KDM2A: variants seen among roughly 807,000 people sequenced by gnomAD.
KDM2A encodes the protein lysine-specific demethylase 2A.
A neutral mutation model predicts 137.3 loss-of-function variants in KDM2A; 3 were observed. The ratio of observed to expected loss-of-function variants is 0.02; its 90% CI spans 0.01 to 0.06. KDM2A has a LOEUF of 0.06. Among genes scored for constraint, KDM2A ranks in the 10% least tolerant of loss-of-function variants. The pLI, the probability that KDM2A is intolerant of heterozygous loss-of-function variation, is 1.00. For synonymous variants in KDM2A, 512 were observed against 541.5 expected, an observed-to-expected ratio of 0.95 and a Z score of 0.76; for missense variants, 738 against 1,510.6, an observed-to-expected ratio of 0.49 and a Z score of 8.48.
intron 5 of KDM2A, among the ~76,000 whole-genome samples, chr11:67,186,373 AAAC>A (rs1857207700): frequency 6.6e-6 from 1 of 152,202 alleles, no homozygotes; most frequent in Admixed American, 6.6e-5. Flanking sequence ...AAGGAAAACA[AAAC>A]AAAACTGTCA....
chr11:67,138,744 A>G lies in KDM2A; in HGVS notation c.42+17386A>G, dbSNP rs934960773. ...TACAGCGAGCCAAGATTGTGCCACT[A>G]CATTCTTGGATCCTACCCCAAACGT... On this transcript the variant is annotated intron_variant, in intron 2 of 20. Coordinates refer to ENST00000529006, the MANE Select transcript of KDM2A (RefSeq NM_012308.3). Among the ~76,000 whole-genome samples the G allele has an allele frequency of 9.7e-4, 147 of 152,184 alleles. 5 individuals carry two copies. Among genetic ancestry groups the G allele is most frequent in the Admixed American group, 9.4e-3 (144 of 15,266 alleles).
intron 5 of KDM2A, among the ~76,000 whole-genome samples, chr11:67,201,138 G>T (rs1017259855): frequency 1.3e-4 from 19 of 151,468 alleles, no homozygotes; most frequent in African/African-American, 4.6e-4. Context: ...AGCTTGCAGT[G>T]AGCCGAGATT....
At chr11:67,147,791 C>T (rs913173291) in intron 2 of KDM2A, among the ~76,000 whole-genome samples, 3 of 151,546 alleles carry the variant, frequency 2.0e-5, no homozygotes, top group African/African-American at 7.3e-5. Context: ...GATTCTCCAG[C>T]CTCAACCTTC....
intron 2 of KDM2A, among the ~76,000 whole-genome samples, chr11:67,125,036 A>G (rs974692023): frequency 6.0e-5 from 9 of 149,452 alleles, no homozygotes; most frequent in Non-Finnish European, 1.3e-4. Flanking sequence ...TTTTTTTTGT[A>G]TTTTTTAGTA....
chr11:67,228,686 GA>G (rs139339570), intron 11 of KDM2A, among the ~76,000 whole-genome samples: 15,275 of 104,870 alleles, frequency 0.15, 867 homozygotes, highest in Admixed American at 0.18. Flanking sequence ...ACCCTGTTGC[GA>G]AAAAAAAAAA....
chr11:67,254,082 G>A lies in KDM2A; in HGVS notation c.3092-121G>A, dbSNP rs1293005244. ...CACCCTGAAGGCATGGCTGGGTGTG[G>A]GCAGTTCTACTTAACCCCTTCAAGG... On this transcript the variant is annotated intron_variant, in intron 19 of 20. Coordinates refer to ENST00000529006, the MANE Select transcript of KDM2A (RefSeq NM_012308.3). The surrounding 1 kb of genome is among the most constrained non-coding windows in gnomAD (Gnocchi z 4.7). 1 of 768,522 alleles carries A rather than the reference G, an allele frequency of 1.3e-6. No homozygotes were observed. Among genetic ancestry groups the A allele is most frequent in the African/African-American group, 1.8e-5 (1 of 56,994 alleles). The allele number at this position is 768,522 out of a possible 1,614,324, so 47.6% of individuals were successfully genotyped here. A position where few individuals can be genotyped will look rare whatever the true frequency, so the allele number is the denominator to read the frequency against.
At chr11:67,230,019 A>G (rs1858662914) in intron 11 of KDM2A, among the ~76,000 whole-genome samples, 1 of 152,044 alleles carries the variant, frequency 6.6e-6, no homozygotes, top group African/African-American at 2.4e-5. Context: ...TACTAAAAAT[A>G]CAAAAAATTA....
intron 5 of KDM2A, among the ~76,000 whole-genome samples, chr11:67,189,995 A>G (rs1235810122): frequency 6.6e-6 from 1 of 152,240 alleles, no homozygotes; most frequent in East Asian, 1.9e-4. Flanking sequence ...GAATAGAAAA[A>G]CAATAGAGAA....
Position 67,254,800 on chromosome 11 carries a change from C to A in KDM2A, c.3308-74C>A. ...TTTGTTTAGCATTTTGAAGGAAAGACGGCTACAGGAATTGAATGGCAGAGG... is the reference window on the plus strand; with the variant it reads ...TTTGTTTAGCATTTTGAAGGAAAGAAGGCTACAGGAATTGAATGGCAGAGG... On this transcript the variant is annotated intron_variant, in intron 20 of 20. Coordinates refer to ENST00000529006, the MANE Select transcript of KDM2A (RefSeq NM_012308.3). This position sits in a 1 kb window ranked among gnomAD's most constrained non-coding sequence, Gnocchi z 4.7. The A allele has an allele frequency of 7.3e-7, 1 of 1,363,592 alleles. No individual in the cohort carries two copies. The highest frequency in any genetic ancestry group is 1.3e-5 in the South Asian group (1 of 78,978). The allele number at this position is 1,363,592 out of a possible 1,614,324, so 84.5% of individuals were successfully genotyped here. A position where few individuals can be genotyped will look rare whatever the true frequency, so the allele number is the denominator to read the frequency against.
intron 2 of KDM2A, among the ~76,000 whole-genome samples, chr11:67,177,753 G>A (rs1160953418): frequency 6.6e-6 from 1 of 152,024 alleles, no homozygotes; most frequent in Non-Finnish European, 1.5e-5. Context: ...ATCAAGCACA[G>A]AATAATAAAT....
At position 67,228,163 on chromosome 11, in the gene KDM2A, G is replaced by T; in HGVS notation, c.1084G>T (p.Asp362Tyr). ...ATTTCAGAAAGAGTCCCTCAGCATGGGTAAGTATTCTGCCTATAGGAGCTT... is the reference window on the plus strand; with the variant it reads ...ATTTCAGAAAGAGTCCCTCAGCATGTGTAAGTATTCTGCCTATAGGAGCTT... ...KEFQKESLSM[D>Y]LELNGLESGN... The change falls in exon 11 of 21, where the codon GAT becomes TAT. Residue 362 changes from aspartate to tyrosine, a missense_variant and splice_region_variant. Asp to Tyr is a radical substitution (Grantham distance 160). This residue lies in a region of KDM2A where 113 missense variants were observed against 133.5 expected (regional missense o/e 0.85). Transcript: ENST00000529006. 6.2e-7 allele frequency: 1 copy of T among 1,613,796 alleles called. No homozygotes were observed.
intron 5 of KDM2A, among the ~76,000 whole-genome samples, chr11:67,201,625 G>A (rs1434457333): frequency 6.6e-6 from 1 of 151,610 alleles, no homozygotes; most frequent in Non-Finnish European, 1.5e-5. Flanking sequence ...AAAATTAGCC[G>A]AGTGTGGTGG....
chr11:67,191,105 G>A (rs912538703), intron 5 of KDM2A, among the ~76,000 whole-genome samples: 1 of 151,902 alleles, frequency 6.6e-6, no homozygotes, highest in South Asian at 2.1e-4. Context: ...ATGCAGTGGC[G>A]CGATCTCGGC....
chr11:67,148,902 C>G (rs914851024), intron 2 of KDM2A, among the ~76,000 whole-genome samples: 1 of 152,132 alleles, frequency 6.6e-6, no homozygotes, highest in Non-Finnish European at 1.5e-5. Context: ...ACCAAAAGAG[C>G]TGGGGTAGGG....
At chr11:67,181,933 T>A (rs762568955) in intron 5 of KDM2A, 41 bp downstream of exon 5, 2 of 1,556,412 alleles carry the variant, frequency 1.3e-6, no homozygotes, top group East Asian at 4.5e-5. Flanking sequence ...AAGGCAAAGA[T>A]TTAAGACTTA....
At chr11:67,215,702 G>T in intron 7 of KDM2A, 154 bp from the exon 8 acceptor site, 2 of 698,550 alleles carry the variant, frequency 2.9e-6, no homozygotes, top group Admixed American at 2.6e-5. Context: ...TTCTGATAAT[G>T]TGATGACTTG....
chr11:67,177,111 G>A (rs756312652), intron 2 of KDM2A, among the ~76,000 whole-genome samples: 7 of 152,004 alleles, frequency 4.6e-5, no homozygotes, highest in Non-Finnish European at 1.0e-4. Flanking sequence ...ACAAAAATTA[G>A]CCGGGCATAT....
Position 67,255,503 on chromosome 11 carries a change from GT to G in KDM2A, c.*449del. ...CAGGTTCTTGTGGTGTCCAGTGCGC[GT>G]CTCTCCTCCATCACACTCTCCCGGC... is the stretch of plus-strand genomic sequence containing the variant. On this transcript the variant is annotated 3_prime_UTR_variant, in exon 21 of 21. Coordinates refer to ENST00000529006, the MANE Select transcript of KDM2A (RefSeq NM_012308.3). 2.2e-6 allele frequency: 1 copy of G among 457,534 alleles called. No individual in the cohort carries two copies. The highest frequency in any genetic ancestry group is 4.4e-6 in the Non-Finnish European group (1 of 227,568). 28.3% of individuals were successfully genotyped at this position (457,534 alleles called of 1,614,324 possible). A position where few individuals can be genotyped will look rare whatever the true frequency, so the allele number is the denominator to read the frequency against.
intron 2 of KDM2A, among the ~76,000 whole-genome samples, chr11:67,157,482 C>T (rs1310894838): frequency 1.3e-5 from 2 of 151,898 alleles, no homozygotes; most frequent in East Asian, 1.9e-4. Context: ...CAGTGGCTCA[C>T]GCTTGTAATC....
Sources: allele counts gnomAD v4.1 joint callset (sites outside exome capture counted in the v4.1 genomes callset), GRCh38; gene constraint gnomAD v4.1.1; regional missense constraint gnomAD v4.1.1; non-coding constraint Gnocchi (gnomAD v3.1); transcripts MANE v1.5; gene names NCBI Gene and HGNC (gene_info 2026-07-23, HGNC 2026-07-21).